The following KIF20B variants were observed in gnomAD, a reference collection of about 807,000 sequenced individuals.
KIF20B encodes the protein kinesin family member 20B.
Under a neutral mutation model 232.5 loss-of-function variants are expected in KIF20B, and 188 were observed. The ratio of observed to expected loss-of-function variants is 0.81; its 90% CI spans 0.72 to 0.91. The LOEUF (loss-of-function observed/expected upper bound fraction) is 0.91. Among genes scored for constraint, KIF20B ranks in the 40% least tolerant of loss-of-function variants. The pLI is 0.00. For missense variants in KIF20B, 2,154 were observed against 2,055.9 expected (o/e 1.05, Z -0.92); for synonymous variants, 712 against 683.0 (o/e 1.04, Z -0.66).
At chr10:89,735,798 A>G (rs1478760043) in intron 19 of KIF20B, among the ~76,000 whole-genome samples, 1 of 152,096 alleles carries the variant, frequency 6.6e-6, no homozygotes, top group Admixed American at 6.6e-5. Context: ...TCTGCCTCCC[A>G]AAGTGCTGGG....
chr10:89,759,341 T>C (rs1278789765), intron 27 of KIF20B, among the ~76,000 whole-genome samples: 1 of 152,088 alleles, frequency 6.6e-6, no homozygotes, highest in African/African-American at 2.4e-5. Flanking sequence ...CAGCTGTTAC[T>C]TTTATATTAC....
intron 28 of KIF20B, among the ~76,000 whole-genome samples, chr10:89,761,465 G>A (rs550184857): frequency 1.4e-5 from 2 of 145,332 alleles, no homozygotes; most frequent in South Asian, 4.6e-4. Flanking sequence ...CAGACAATGA[G>A]AAGGAAAAGT....
chr10:89,762,685 T>C lies in KIF20B; in HGVS notation c.4839T>C (p.Asp1613=). 6.2e-7 allele frequency: 1 copy of C among 1,613,678 alleles called. No individual in the cohort carries two copies. The highest frequency in any genetic ancestry group is 2.2e-5 in the East Asian group (1 of 44,854). ...CTTGTGAAGTGTCAACAGAAAATGA[T>C]CAAAGCACTCGATTTCCAAAACCTG... ...LDSCEVSTEN[D]QSTRFPKPEL... is the part of the protein sequence containing the mutation. Residue 1613 remains aspartate (D), a synonymous_variant, in exon 29 of 33, where the codon GAT becomes GAC. Transcript: ENST00000371728.
chr10:89,738,049 G>T lies in KIF20B; in HGVS notation c.3208G>T (p.Ala1070Ser), dbSNP rs138228331. ...GGAAGAATGTAAAGAGATTGTGAAG[G>T]CCTCTTCCAAAAAAAGTCATCAGAT... Reference protein sequence around the residue: ...IWEECKEIVKASSKKSHQIEE... With the variant: ...IWEECKEIVKSSSKKSHQIEE... Residue 1070 changes from alanine to serine, a missense_variant, in exon 20 of 33, where the codon GCC becomes TCC. By Grantham distance (99) the Ala-to-Ser change is moderately conservative. Transcript: ENST00000371728. 52 of 1,613,110 alleles carry T rather than the reference G, an allele frequency of 3.2e-5. No homozygotes were observed. Among genetic ancestry groups the T allele is most frequent in the Middle Eastern group, 1.6e-4 (1 of 6,074 alleles).
At chr10:89,742,706 T>TC (rs1400320262) in intron 21 of KIF20B, among the ~76,000 whole-genome samples, 1 of 150,048 alleles carries the variant, frequency 6.7e-6, no homozygotes, top group Non-Finnish European at 1.5e-5. Context: ...AGCCTTTTTT[T>TC]TTTTTTTTTT....
Position 89,729,144 on chromosome 10 carries a change from A to G in KIF20B, c.2288A>G (p.Asn763Ser). 7.0e-7 allele frequency: 1 copy of G among 1,429,240 alleles called. No individual in the cohort carries two copies. Among genetic ancestry groups the G allele is most frequent in the African/African-American group, 1.5e-5 (1 of 67,770 alleles). The allele number at this position is 1,429,240 out of a possible 1,614,324, so 88.5% of individuals were successfully genotyped here. ...ETSNKKIITQ[N>S]QRIKELINII... ...TTTCCAAAGAAAATAATTACACAGA[A>G]TCAAAGAATTAAAGAATTGATAAAT... The change falls in exon 18 of 33, where the codon AAT becomes AGT. Residue 763 changes from asparagine (N) to serine (S), a missense_variant. By Grantham distance (46) the Asn-to-Ser change is conservative. Transcript: ENST00000371728.
At chr10:89,729,365 C>A in intron 18 of KIF20B, 118 bp downstream of exon 18, 2 of 1,009,756 alleles carry the variant, frequency 2.0e-6, no homozygotes, top group Non-Finnish European at 2.7e-6. Context: ...TGTTGAATTG[C>A]TTATGCAACA....
chr10:89,723,096 A>G (rs1000722623), intron 13 of KIF20B, among the ~76,000 whole-genome samples: 4 of 152,220 alleles, frequency 2.6e-5, no homozygotes, highest in African/African-American at 4.8e-5. Context: ...TCATACAACC[A>G]GAACATGGGG....
chr10:89,767,175 C>T (rs966700855), intron 29 of KIF20B, among the ~76,000 whole-genome samples: 22 of 137,048 alleles, frequency 1.6e-4, no homozygotes, highest in Admixed American at 2.2e-4. Context: ...TTTTTTCTTC[C>T]ACATACTCTT....
intron 29 of KIF20B, among the ~76,000 whole-genome samples, chr10:89,767,883 A>G (rs766100815): frequency 5.3e-5 from 8 of 152,068 alleles, no homozygotes; most frequent in Non-Finnish European, 8.8e-5. Context: ...TCAGTTTCAA[A>G]TAAAAGATAT....
intron 2 of KIF20B, among the ~76,000 whole-genome samples, chr10:89,707,525 T>TTTCCC (rs1485234242): frequency 6.6e-6 from 1 of 151,804 alleles, no homozygotes; most frequent in African/African-American, 2.4e-5. Flanking sequence ...TTTCCTTTTC[T>TTTCCC]TTCCCCTCCT....
At chr10:89,735,386 T>C (rs1363875161) in intron 19 of KIF20B, among the ~76,000 whole-genome samples, 1 of 152,010 alleles carries the variant, frequency 6.6e-6, no homozygotes, top group Non-Finnish European at 1.5e-5. Flanking sequence ...ATCAAGGAGC[T>C]TAAAATCTAG....
intron 27 of KIF20B, among the ~76,000 whole-genome samples, chr10:89,760,164 C>T (rs72818773): frequency 0.17 from 25,964 of 152,076 alleles, 2,630 homozygotes; most frequent in Non-Finnish European, 0.23. Context: ...TGCCATTTAA[C>T]GTGTGTCGTT....
chr10:89,713,841 A>G (rs1298632517), intron 6 of KIF20B, among the ~76,000 whole-genome samples: 1 of 152,150 alleles, frequency 6.6e-6, no homozygotes, highest in Non-Finnish European at 1.5e-5. Flanking sequence ...TGGCAGGATT[A>G]TACATGATAA....
chr10:89,710,698 G>T (rs1842819901), intron 5 of KIF20B, among the ~76,000 whole-genome samples: 1 of 152,182 alleles, frequency 6.6e-6, no homozygotes, highest in South Asian at 2.1e-4. Flanking sequence ...TTTATAGTTT[G>T]TGATTATGGG....
At chr10:89,773,933 T>G in intron 32 of KIF20B, 38 bp from the exon 33 acceptor site, 1 of 1,230,882 alleles carries the variant, frequency 8.1e-7, no homozygotes, top group South Asian at 1.5e-5. Context: ...TTATTTTCAC[T>G]TACAAGCTTT....
At chr10:89,769,661 G>T (rs1842429464) in intron 31 of KIF20B, among the ~76,000 whole-genome samples, 1 of 149,938 alleles carries the variant, frequency 6.7e-6, no homozygotes, top group Non-Finnish European at 1.5e-5. Flanking sequence ...ATTGATACCT[G>T]TGTATATGTT....
intron 27 of KIF20B, 143 bp downstream of exon 27, chr10:89,759,025 A>G (rs1842186660): frequency 9.0e-6 from 4 of 446,316 alleles, no homozygotes; most frequent in Non-Finnish European, 1.5e-5. Context: ...TTCATGATTT[A>G]GAGTCTTGAA....
intron 2 of KIF20B, among the ~76,000 whole-genome samples, chr10:89,708,439 G>A (rs1313189175): frequency 3.3e-5 from 5 of 152,226 alleles, no homozygotes; most frequent in African/African-American, 9.6e-5. Context: ...TCGAACTCCC[G>A]ACCTCAGGTG....
Sources: allele counts gnomAD v4.1 joint callset (sites outside exome capture counted in the v4.1 genomes callset), GRCh38; gene constraint gnomAD v4.1.1; transcripts MANE v1.5; gene names NCBI Gene and HGNC (gene_info 2026-07-23, HGNC 2026-07-21).